The following CNTN6 variants were observed in gnomAD, a reference collection of about 807,000 sequenced individuals.
CNTN6 encodes the protein contactin 6, also known as contactin-6.
In CNTN6, 137 loss-of-function variants were observed where a neutral mutation model predicts 122.8. The observed-to-expected ratio is 1.12, with a 90% confidence interval of 0.97 to 1.29. CNTN6 has a LOEUF of 1.29. Among genes scored for constraint, CNTN6 ranks in the 50% most tolerant of loss-of-function variants. The probability of loss-of-function intolerance (pLI) is 0.00; values close to 1 mark genes in which losing one functional copy is unlikely to be tolerated. For synonymous variants in CNTN6, 570 were observed against 426.0 expected (o/e 1.34, Z -4.16); for missense variants, 1,634 against 1,223.4 (o/e 1.34, Z -5.01).
Position 1,372,484 on chromosome 3 carries a change from T to G in CNTN6, c.1668+10T>G. ...TGAAAGGATTGGAGGAGTAAGTTAC[T>G]GAAATTGTTAAGTGCTTAATAAAAT... On this transcript the variant is annotated intron_variant, in intron 13 of 22. Coordinates refer to ENST00000446702, the MANE Select transcript of CNTN6 (RefSeq NM_001289080.2). 5 of 1,594,338 alleles carry G rather than the reference T, an allele frequency of 3.1e-6. No individual in the cohort carries two copies. The highest frequency in any genetic ancestry group is 3.4e-6 in the Non-Finnish European group (4 of 1,171,796).
At chr3:1,209,990 A>G (rs1033625142) in intron 2 of CNTN6, among the ~76,000 whole-genome samples, 1 of 152,186 alleles carries the variant, frequency 6.6e-6, no homozygotes, top group Non-Finnish European at 1.5e-5. Flanking sequence ...TAGTATAAGA[A>G]TTTCATAACT....
At chr3:1,385,915 G>A in intron 20 of CNTN6, 118 bp downstream of exon 20, 1 of 1,008,080 alleles carries the variant, frequency 9.9e-7, no homozygotes, top group Non-Finnish European at 1.4e-6. Context: ...ACTTTGGTTA[G>A]TTGGTTTGTC....
At chr3:1,263,338 CTGTT>C (rs1168832442) in intron 4 of CNTN6, among the ~76,000 whole-genome samples, 4 of 152,178 alleles carry the variant, frequency 2.6e-5, no homozygotes, top group African/African-American at 9.7e-5. Context: ...AGCTTTCCAT[CTGTT>C]TGAGGGTTTT....
chr3:1,097,521 A>G (rs2090595433), intron 1 of CNTN6, among the ~76,000 whole-genome samples: 1 of 152,238 alleles, frequency 6.6e-6, no homozygotes, highest in African/African-American at 2.4e-5. Context: ...CAGTGTCAAT[A>G]AAATGATAGT....
At chr3:1,256,010 A>C (rs1362561370) in intron 4 of CNTN6, among the ~76,000 whole-genome samples, 3 of 151,974 alleles carry the variant, frequency 2.0e-5, no homozygotes, top group Non-Finnish European at 4.4e-5. Context: ...CTGGGAATAC[A>C]GGCGTGTGCC....
chr3:1,101,061 T>C (rs2090868127), intron 1 of CNTN6, among the ~76,000 whole-genome samples: 1 of 152,164 alleles, frequency 6.6e-6, no homozygotes, highest in African/African-American at 2.4e-5. Context: ...TGCTATTGAT[T>C]CTACAGTGGC....
intron 5 of CNTN6, among the ~76,000 whole-genome samples, chr3:1,288,586 C>A (rs554009055): frequency 3.3e-5 from 5 of 152,238 alleles, no homozygotes; most frequent in African/African-American, 1.2e-4. Flanking sequence ...ACTTCAAGTT[C>A]TTTATTCTAC....
chr3:1,383,422 A>G lies in CNTN6; in HGVS notation c.2517+14A>G. The G allele has an allele frequency of 1.9e-6, 3 of 1,603,744 alleles. No homozygotes were observed. The highest frequency in any genetic ancestry group is 2.6e-6 in the Non-Finnish European group (3 of 1,170,850). On this transcript the variant is annotated intron_variant, in intron 19 of 22. Transcript: ENST00000446702. ...CTGGGCTATGAGGTAATCCACATTA[A>G]TTTCACTTTTGCTTATGAATGTGCC...
chr3:1,368,158 A>G (rs1279437435), intron 12 of CNTN6, among the ~76,000 whole-genome samples: 3 of 152,200 alleles, frequency 2.0e-5, no homozygotes, highest in South Asian at 2.1e-4. Context: ...ATAATTGATG[A>G]GTTTTGCTTT....
chr3:1,116,540 A>G (rs2091726096), intron 1 of CNTN6, among the ~76,000 whole-genome samples: 1 of 152,128 alleles, frequency 6.6e-6, no homozygotes, highest in African/African-American at 2.4e-5. Context: ...CAACATTTGT[A>G]TAGGCTTAAG....
At chr3:1,178,514 G>A (rs1160400210) in intron 2 of CNTN6, among the ~76,000 whole-genome samples, 1 of 152,110 alleles carries the variant, frequency 6.6e-6, no homozygotes, top group Non-Finnish European at 1.5e-5. Flanking sequence ...ATGAATTAGA[G>A]TTATTTCAAA....
intron 2 of CNTN6, among the ~76,000 whole-genome samples, chr3:1,186,561 G>A (rs904168422): frequency 3.9e-5 from 6 of 152,048 alleles, no homozygotes; most frequent in Admixed American, 2.6e-4. Flanking sequence ...TTTTTCTTTC[G>A]TGAATTATTT....
chr3:1,355,715 G>A (rs1706439041), intron 12 of CNTN6, among the ~76,000 whole-genome samples: 2 of 151,676 alleles, frequency 1.3e-5, no homozygotes, highest in Admixed American at 1.3e-4. Context: ...GAGTGTTAAG[G>A]AGCAAATGAG....
At chr3:1,099,399 C>G (rs552008754) in intron 1 of CNTN6, among the ~76,000 whole-genome samples, 1 of 151,916 alleles carries the variant, frequency 6.6e-6, no homozygotes, top group Non-Finnish European at 1.5e-5. Flanking sequence ...TGCAGTGAGC[C>G]GAGATTGAGC....
At chr3:1,278,240 A>T (rs150863780) in intron 4 of CNTN6, among the ~76,000 whole-genome samples, 173 bp from the exon 5 acceptor site, 1 of 152,238 alleles carries the variant, frequency 6.6e-6, no homozygotes, top group Non-Finnish European at 1.5e-5. Flanking sequence ...AAGAAACACA[A>T]GATTTTGCAA....
chr3:1,146,130 C>T (rs190718916), intron 1 of CNTN6, among the ~76,000 whole-genome samples: 1 of 152,052 alleles, frequency 6.6e-6, no homozygotes, highest in Admixed American at 6.6e-5. Context: ...CTCTTTCATT[C>T]TCCACGGTAG....
intron 2 of CNTN6, among the ~76,000 whole-genome samples, chr3:1,200,761 A>G (rs1189606231): frequency 6.6e-6 from 1 of 152,166 alleles, no homozygotes; most frequent in African/African-American, 2.4e-5. Flanking sequence ...GAGGCTCAAA[A>G]TAACTTCATG....
At chr3:1,257,934 C>G (rs957535224) in intron 4 of CNTN6, among the ~76,000 whole-genome samples, 24 of 152,156 alleles carry the variant, frequency 1.6e-4, no homozygotes, top group Admixed American at 1.5e-3. Flanking sequence ...AGACCAAATG[C>G]AGCATCTAAA....
intron 5 of CNTN6, among the ~76,000 whole-genome samples, chr3:1,289,682 T>G (rs1444139232): frequency 6.7e-6 from 1 of 150,096 alleles, no homozygotes; most frequent in Non-Finnish European, 1.5e-5. Flanking sequence ...TTGGGTTTTT[T>G]TTTTTTTTTT....
Sources: allele counts gnomAD v4.1 joint callset (sites outside exome capture counted in the v4.1 genomes callset), GRCh38; gene constraint gnomAD v4.1.1; transcripts MANE v1.5; gene names NCBI Gene and HGNC (gene_info 2026-07-23, HGNC 2026-07-21).